Variants in BTAF1 observed in about 807,000 individuals in gnomAD.
BTAF1 encodes TATA-binding protein-associated factor 172.
BTAF1 carries 38 observed loss-of-function variants against 227.1 expected under a neutral mutation model. The ratio of observed to expected loss-of-function variants is 0.17; its 90% CI spans 0.13 to 0.22. The LOEUF (loss-of-function observed/expected upper bound fraction) is 0.22, where lower values mean the gene tolerates loss of function less well. BTAF1 is among the 10% of genes least tolerant of loss of function. BTAF1 has a pLI of 1.00. For missense variants in BTAF1, 1,598 were observed against 2,204.0 expected (o/e 0.73, Z 5.51); for synonymous variants, 742 against 751.9 (o/e 0.99, Z 0.21).
intron 20 of BTAF1, among the ~76,000 whole-genome samples, chr10:91,991,279 T>TATATATATATATATATAAATATATAA (rs1256838673): frequency 1.0e-5 from 1 of 98,426 alleles, no homozygotes; most frequent in Non-Finnish European, 2.3e-5. Flanking sequence ...TAAATATATA[T>TATATATATATATATATAAATATATAA]ATATATATAT....
intron 14 of BTAF1, among the ~76,000 whole-genome samples, chr10:91,968,278 A>G (rs957316293): frequency 2.0e-5 from 3 of 152,210 alleles, no homozygotes; most frequent in Non-Finnish European, 4.4e-5. Flanking sequence ...CTTTTCCAAA[A>G]TATCACATAG....
At chr10:92,007,210 C>CTTTTTTTTTTTTT (rs969389265) in intron 25 of BTAF1, among the ~76,000 whole-genome samples, 4 of 61,278 alleles carry the variant, frequency 6.5e-5, no homozygotes, top group Non-Finnish European at 6.6e-5. Flanking sequence ...TATTTTTTGT[C>CTTTTTTTTTTTTT]TTTTTTTTTT....
chr10:92,029,088 C>G lies in BTAF1; in HGVS notation c.*155C>G. ...CTGGCTCTTGTTTCACTGGGGGAAA[C>G]AAGTTATTCTCAAATATTTGCACTG... On this transcript the variant is annotated 3_prime_UTR_variant, in exon 38 of 38. Transcript: ENST00000265990. 1 of 611,960 alleles carries G rather than the reference C, an allele frequency of 1.6e-6. No homozygotes were observed. Among genetic ancestry groups the G allele is most frequent in the Non-Finnish European group, 2.6e-6 (1 of 383,474 alleles). The allele number at this position is 611,960 out of a possible 1,614,324, so 37.9% of individuals were successfully genotyped here. A position where few individuals can be genotyped will look rare whatever the true frequency, so the allele number is the denominator to read the frequency against.
rs368998106 is a variant in BTAF1 at position 92,024,053 on chromosome 10, C to T, written c.4864-703C>T. Among the ~76,000 whole-genome samples, 16 of 152,296 alleles carry T rather than the reference C, an allele frequency of 1.1e-4. No homozygotes were observed. The South Asian group carries it at 1.7e-3, about 16-fold the overall frequency. ...AAACATGATTCTCTTGGATTTTATT[C>T]GCTCATTTATTAATTGCACTTGCTG... On this transcript the variant is annotated intron_variant, in intron 34 of 37. Transcript: ENST00000265990.
In BTAF1 at chr10:91,966,490, A is replaced by G. The variant is rs1272283811; in HGVS notation, c.1530-147A>G. 13 of 779,078 alleles carry G rather than the reference A, an allele frequency of 1.7e-5. No individual in the cohort carries two copies. In the East Asian group the frequency reaches 2.7e-4, roughly 16 times the overall value. The allele number at this position is 779,078 out of a possible 1,614,324, so 48.3% of individuals were successfully genotyped here. Reference sequence around the variant, plus strand: ...ATGACATTGTTACATGAATGTTCATATGAAAACTGTATTATCTTTTAAGAA... The same window carrying G: ...ATGACATTGTTACATGAATGTTCATGTGAAAACTGTATTATCTTTTAAGAA... On this transcript the variant is annotated intron_variant, in intron 13 of 37. Transcript: ENST00000265990.
chr10:91,965,502 C>T (rs1846839957), intron 13 of BTAF1, among the ~76,000 whole-genome samples: 1 of 151,992 alleles, frequency 6.6e-6, no homozygotes, highest in Admixed American at 6.6e-5. Flanking sequence ...GCCTATGGGC[C>T]TTAGTGGATG....
intron 19 of BTAF1, among the ~76,000 whole-genome samples, chr10:91,987,975 CACAG>C (rs1176362618): frequency 6.6e-6 from 1 of 152,264 alleles, no homozygotes; most frequent in South Asian, 2.1e-4. Flanking sequence ...ACTTCAATTC[CACAG>C]ACAGTGTCCT....
intron 34 of BTAF1, among the ~76,000 whole-genome samples, chr10:92,019,573 G>A (rs1425097421): frequency 3.3e-5 from 5 of 152,046 alleles, no homozygotes; most frequent in East Asian, 3.9e-4. Context: ...TAACATTTTC[G>A]GGAACTGCCA....
chr10:92,010,881 C>G lies in BTAF1; in HGVS notation c.4104-192C>G, dbSNP rs540252781. On this transcript the variant is annotated intron_variant, in intron 28 of 37. Transcript: ENST00000265990. ...CATATTTTCAGTCTGATGTTCATCTCTTTTCTAATCAGACTGAGTAGGGCA... is the reference window on the plus strand; with the variant it reads ...CATATTTTCAGTCTGATGTTCATCTGTTTTCTAATCAGACTGAGTAGGGCA... Among the ~76,000 whole-genome samples, 124 of 152,322 alleles carry G rather than the reference C, an allele frequency of 8.1e-4. 1 individual carries two copies. The highest frequency in any genetic ancestry group is 2.9e-3 in the African/African-American group (120 of 41,576).
At chr10:91,996,128 A>AT (rs1338285584) in intron 23 of BTAF1, among the ~76,000 whole-genome samples, 1 of 152,220 alleles carries the variant, frequency 6.6e-6, no homozygotes, top group African/African-American at 2.4e-5. Flanking sequence ...AAGAGATGAT[A>AT]TGAGCAGAGC....
intron 19 of BTAF1, among the ~76,000 whole-genome samples, chr10:91,987,480 C>T (rs1032054698): frequency 4.0e-5 from 6 of 148,428 alleles, no homozygotes; most frequent in Admixed American, 1.3e-4. Context: ...GAGACTTGGT[C>T]TCAAAAAAAA....
At chr10:91,933,150 T>G (rs1037921686) in intron 1 of BTAF1, among the ~76,000 whole-genome samples, 2 of 152,116 alleles carry the variant, frequency 1.3e-5, no homozygotes, top group Non-Finnish European at 2.9e-5. Flanking sequence ...ACATTCTGAG[T>G]GGAGGAAACA....
At chr10:91,963,188 C>A (rs750088858) in intron 12 of BTAF1, among the ~76,000 whole-genome samples, 2 of 151,970 alleles carry the variant, frequency 1.3e-5, no homozygotes, top group Non-Finnish European at 2.9e-5. Flanking sequence ...GCCCCACTCT[C>A]CTGGGCTCAA....
At chr10:91,964,271 C>A in intron 13 of BTAF1, 70 bp downstream of exon 13, 1 of 1,500,880 alleles carries the variant, frequency 6.7e-7, no homozygotes, top group Admixed American at 2.0e-5. Context: ...TCAGCCTAAA[C>A]ATAACAATAT....
intron 19 of BTAF1, among the ~76,000 whole-genome samples, chr10:91,986,418 A>G (rs773283827): frequency 2.0e-5 from 3 of 152,212 alleles, no homozygotes; most frequent in Non-Finnish European, 4.4e-5. Flanking sequence ...ATAGGATCAG[A>G]AATTGAGTCA....
chr10:91,992,058 T>C, intron 20 of BTAF1, 61 bp from the exon 21 acceptor site: 5 of 1,370,256 alleles, frequency 3.6e-6, no homozygotes, highest in Non-Finnish European at 4.9e-6. Context: ...CTTATGGAGC[T>C]GAAAACATTT....
chr10:91,969,843 A>G (rs938384319), intron 14 of BTAF1, among the ~76,000 whole-genome samples: 2 of 151,978 alleles, frequency 1.3e-5, no homozygotes, highest in Admixed American at 1.3e-4. Flanking sequence ...GTCTGCCTGT[A>G]ATCGTAGCTA....
Position 91,997,867 on chromosome 10 carries a change from C to G in BTAF1, c.3660+116C>G. ...CTCATGCCTGTAATCCCAGCACTTT[C>G]TGAGGCTGAGGTGGGTGGATCATCT... is the stretch of plus-strand genomic sequence containing the variant. On this transcript the variant is annotated intron_variant, in intron 25 of 37. Transcript: ENST00000265990. 26 of 1,024,092 alleles carry G rather than the reference C, an allele frequency of 2.5e-5. No homozygotes were observed. Among genetic ancestry groups the G allele is most frequent in the Non-Finnish European group, 3.4e-5 (24 of 707,590 alleles). 63.4% of individuals were successfully genotyped at this position (1,024,092 alleles called of 1,614,324 possible).
intron 7 of BTAF1, among the ~76,000 whole-genome samples, chr10:91,957,006 T>A (rs999114419): frequency 6.6e-6 from 1 of 152,118 alleles, no homozygotes; most frequent in African/African-American, 2.4e-5. Flanking sequence ...AAAAAATTGC[T>A]TATAAATCTT....
Sources: allele counts gnomAD v4.1 joint callset (sites outside exome capture counted in the v4.1 genomes callset), GRCh38; gene constraint gnomAD v4.1.1; transcripts MANE v1.5; gene names NCBI Gene and HGNC (gene_info 2026-07-23, HGNC 2026-07-21).